KL: variants seen among roughly 807,000 people sequenced by gnomAD.
The protein encoded by KL is alpha-klotho.
Under a neutral mutation model 84.2 loss-of-function variants are expected in KL, and 62 were observed. The ratio of observed to expected loss-of-function variants is 0.74; its 90% confidence interval spans 0.60 to 0.91. The LOEUF (loss-of-function observed/expected upper bound fraction) is 0.91. Ranked by LOEUF, KL falls within the 40% of genes least tolerant of loss-of-function variation. The probability of loss-of-function intolerance (pLI) is 0.00; values close to 1 mark genes in which losing one functional copy is unlikely to be tolerated. For missense variants in KL, 1,261 were observed against 1,305.7 expected, an observed-to-expected ratio of 0.97 and a Z score of 0.53; for synonymous variants, 528 against 528.0, an observed-to-expected ratio of 1.00 and a Z score of 0.00.
intron 1 of KL, among the ~76,000 whole-genome samples, chr13:33,049,440 T>A (rs192943151): frequency 1.3e-5 from 2 of 152,322 alleles, no homozygotes; most frequent in Non-Finnish European, 2.9e-5. Flanking sequence ...AATGCAATAA[T>A]ATATGGTTAA....
chr13:33,047,931 A>C (rs1871597437), intron 1 of KL, among the ~76,000 whole-genome samples: 1 of 151,972 alleles, frequency 6.6e-6, no homozygotes, highest in South Asian at 2.1e-4. Context: ...CCCATTCAAA[A>C]ATTTGTTTAT....
chr13:33,026,106 TAAGTATGTAAA>T (rs374319033), intron 1 of KL, among the ~76,000 whole-genome samples: 105 of 152,320 alleles, frequency 6.9e-4, no homozygotes, highest in African/African-American at 2.5e-3. Context: ...TCTGTATGAA[TAAGTATGTAAA>T]AAGTATGTAA....
Position 33,028,908 on chromosome 13 carries a change from A to G in KL, c.819+11649A>G, listed in dbSNP as rs376504719. 1.1e-3 allele frequency among the ~76,000 whole-genome samples: 164 copies of G among 152,364 alleles called. 1 individual carries two copies. The highest frequency in any genetic ancestry group is 3.3e-3 in the African/African-American group (138 of 41,582). On this transcript the variant is annotated intron_variant, in intron 1 of 4. Coordinates refer to ENST00000380099, the MANE Select transcript of KL (RefSeq NM_004795.4). ...GAGCTAAACCCTTATCTAGCATAAT[A>G]GGAAGTCAGTGGATACTTCCTGAAG...
chr13:33,041,885 C>T (rs1184569117), intron 1 of KL, among the ~76,000 whole-genome samples: 1 of 152,122 alleles, frequency 6.6e-6, no homozygotes, highest in East Asian at 1.9e-4. Context: ...GTCTAAACTG[C>T]CTTCCCATCC....
At chr13:33,042,641 T>C (rs1871377602) in intron 1 of KL, among the ~76,000 whole-genome samples, 1 of 152,188 alleles carries the variant, frequency 6.6e-6, no homozygotes, top group Non-Finnish European at 1.5e-5. Context: ...GACATTTGTG[T>C]TGTTTTCAGT....
chr13:33,036,578 A>G (rs1871153662), intron 1 of KL, among the ~76,000 whole-genome samples: 3 of 152,136 alleles, frequency 2.0e-5, no homozygotes, highest in African/African-American at 7.2e-5. Flanking sequence ...AAACAATCTC[A>G]GGGAAGGTAT....
At chr13:33,061,856 A>G in intron 4 of KL, 76 bp downstream of exon 4, 2 of 1,422,974 alleles carry the variant, frequency 1.4e-6, no homozygotes, top group South Asian at 1.2e-5. Flanking sequence ...AATCTCCAAC[A>G]TCAACACACA....
At chr13:33,036,515 C>T (rs890902646) in intron 1 of KL, among the ~76,000 whole-genome samples, 3 of 152,076 alleles carry the variant, frequency 2.0e-5, no homozygotes, top group African/African-American at 7.2e-5. Context: ...GTCAGCAACT[C>T]CAGATTCACT....
At chr13:33,052,080 C>T (rs1871774608) in intron 1 of KL, among the ~76,000 whole-genome samples, 1 of 152,220 alleles carries the variant, frequency 6.6e-6, no homozygotes, top group African/African-American at 2.4e-5. Flanking sequence ...CCTCAGCCTT[C>T]CTAGTAGCTG....
chr13:33,033,054 A>G (rs1443141274), intron 1 of KL, among the ~76,000 whole-genome samples: 1 of 152,212 alleles, frequency 6.6e-6, no homozygotes, highest in Admixed American at 6.5e-5. Flanking sequence ...TAATTTGTCT[A>G]TTGAGTAAAT....
intron 1 of KL, among the ~76,000 whole-genome samples, chr13:33,042,759 G>A (rs1344575395): frequency 6.6e-6 from 1 of 152,170 alleles, no homozygotes; most frequent in Non-Finnish European, 1.5e-5. Context: ...TCAGCTCACT[G>A]CAGCTTCTGC....
rs1870347140 is a variant in KL at position 33,016,691 on chromosome 13, G to A, written c.251G>A (p.Gly84Asp). 4 of 1,605,846 alleles carry A rather than the reference G, an allele frequency of 2.5e-6. No individual in the cohort carries two copies. In the African/African-American group the frequency reaches 5.3e-5, roughly 21 times the overall value. The change falls in exon 1 of 5, where the codon GGC becomes GAC. Residue 84 changes from glycine to aspartate, a missense_variant. Transcript: ENST00000380099. ...YQTEGGWQQH[G>D]KGASIWDTFT... ...ACCGAGGGCGGCTGGCAGCAGCACGGCAAGGGTGCGTCCATCTGGGATACG... is the reference window on the plus strand; with the variant it reads ...ACCGAGGGCGGCTGGCAGCAGCACGACAAGGGTGCGTCCATCTGGGATACG...
intron 1 of KL, among the ~76,000 whole-genome samples, chr13:33,031,011 A>T (rs1286063986): frequency 6.6e-6 from 1 of 152,194 alleles, no homozygotes; most frequent in Admixed American, 6.5e-5. Flanking sequence ...CTGGAAAGAG[A>T]GAATAAGGAA....
Position 33,054,107 on chromosome 13 carries a change from G to A in KL, c.1160G>A (p.Arg387His), listed in dbSNP as rs200112661. ...FQLLDPHMKF[R>H]QLESPNLRQL... ...CTTTTGGACCCTCACATGAAGTTCC[G>A]CCAATTGGAATCTCCCAACCTGAGG... The change falls in exon 2 of 5, where the codon CGC becomes CAC. Residue 387 changes from arginine (R) to histidine (H), a missense_variant. Coordinates refer to ENST00000380099, the MANE Select transcript of KL (RefSeq NM_004795.4). 1.9e-4 allele frequency: 308 copies of A among 1,613,602 alleles called. 2 individuals are homozygous for A. The highest frequency in any genetic ancestry group is 3.3e-4 in the Middle Eastern group (2 of 6,062).
chr13:33,016,449 CAGCGCCCCGCCGCGCCGCCCGCG>C lies in KL; in HGVS notation c.10_32del (p.Ser4AlafsTer323). On this transcript the variant is annotated frameshift_variant, in exon 1 of 5. Transcript: ENST00000380099. LOFTEE classifies it high-confidence loss of function. ...CCTGGCTCCCGCGCAGCATGCCCGC[CAGCGCCCCGCCGCGCCGCCCGCG>C]GCCGCCGCCGCCGTCGCTGTCGCTG... is the stretch of plus-strand genomic sequence containing the variant. 1 of 962,904 alleles carries C rather than the reference CAGCGCCCCGCCGCGCCGCCCGCG, an allele frequency of 1.0e-6. No homozygotes were observed. The allele number at this position is 962,904 out of a possible 1,614,324, so 59.6% of individuals were successfully genotyped here.
chr13:33,016,591 C>T lies in KL; in HGVS notation c.151C>T (p.Pro51Ser). Residue 51 changes from proline (P) to serine (S), a missense_variant, in exon 1 of 5, where the codon CCC becomes TCC. Transcript: ENST00000380099. ...TWARFSRPPA[P>S]EAAGLFQGTF... is the part of the protein sequence containing the mutation. The stretch of plus-strand genomic sequence containing the variant: ...GGCCCGTTTCTCGCGGCCTCCTGCC[C>T]CCGAGGCCGCGGGCCTCTTCCAGGG... 6.7e-7 allele frequency: 1 copy of T among 1,501,832 alleles called. No individual in the cohort carries two copies. Among genetic ancestry groups the T allele is most frequent in the Non-Finnish European group, 8.9e-7 (1 of 1,125,576 alleles). The allele number at this position is 1,501,832 out of a possible 1,614,324, so 93.0% of individuals were successfully genotyped here. A position where few individuals can be genotyped will look rare whatever the true frequency, so the allele number is the denominator to read the frequency against.
chr13:33,021,526 A>T (rs1034393929), intron 1 of KL, among the ~76,000 whole-genome samples: 1 of 152,188 alleles, frequency 6.6e-6, no homozygotes, highest in Non-Finnish European at 1.5e-5. Context: ...TCTACTGTAT[A>T]TATGCTCAAA....
rs758550886 is a variant in KL, at chr13:33,017,020, T to A, written c.580T>A (p.Trp194Arg). 1.3e-6 allele frequency: 2 copies of A among 1,597,018 alleles called. No individual in the cohort carries two copies. The highest frequency in any genetic ancestry group is 3.4e-5 in the Admixed American group (2 of 58,696). ...GCAGCCCGTGGTCACCCTGTACCAC[T>A]GGGACCTGCCCCAGCGCCTGCAGGA... ...GVQPVVTLYH[W>R]DLPQRLQDAY... is the part of the protein sequence containing the mutation. The change falls in exon 1 of 5, where the codon TGG (tryptophan) becomes AGG (arginine). Residue 194 changes from tryptophan to arginine, a missense_variant. Transcript: ENST00000380099.
At chr13:33,034,586 G>A (rs1871092034) in intron 1 of KL, among the ~76,000 whole-genome samples, 1 of 151,438 alleles carries the variant, frequency 6.6e-6, no homozygotes, top group Admixed American at 6.6e-5. Context: ...TGGCACCCCA[G>A]GCCTTCCTTA....
Sources: allele counts gnomAD v4.1 joint callset (sites outside exome capture counted in the v4.1 genomes callset), GRCh38; gene constraint gnomAD v4.1.1; transcripts MANE v1.5; gene names NCBI Gene and HGNC (gene_info 2026-07-23, HGNC 2026-07-21).